Variants in BCAS3 observed in about 807,000 individuals in gnomAD.
BCAS3 encodes the protein BCAS3 microtubule associated cell migration factor, also known as BCAS4/BCAS3 fusion.
Under a neutral mutation model 116.1 loss-of-function variants are expected in BCAS3, and 53 were observed. The observed-to-expected ratio is 0.46, with a 90% CI of 0.37 to 0.57. BCAS3 has a LOEUF of 0.57. Ranked by LOEUF, BCAS3 falls within the 20% of genes least tolerant of loss-of-function variation. The probability of loss-of-function intolerance (pLI) is 0.00; values close to 1 mark genes in which losing one functional copy is unlikely to be tolerated. For synonymous variants in BCAS3, 391 were observed against 408.2 expected (o/e 0.96, Z 0.51); for missense variants, 917 against 1,165.4 (o/e 0.79, Z 3.10).
rs539509972 is a variant in BCAS3 at position 60,704,607 on chromosome 17, G to C, written c.215-4612G>C. 9.2e-5 allele frequency among the ~76,000 whole-genome samples: 14 copies of C among 152,094 alleles called. No individual in the cohort carries two copies. In the South Asian group the frequency reaches 2.3e-3, roughly 25 times the overall value. On this transcript the variant is annotated intron_variant, in intron 4 of 23. Coordinates refer to ENST00000407086, the MANE Select transcript of BCAS3 (RefSeq NM_017679.5). ...TGTAATCCCAGCACTTTGGGGGGCC[G>C]AGGTGGGTGGATCACTTGAGGTCAG...
chr17:60,844,708 T>G (rs1346794370), intron 7 of BCAS3, among the ~76,000 whole-genome samples: 1 of 152,198 alleles, frequency 6.6e-6, no homozygotes, highest in Non-Finnish European at 1.5e-5. Flanking sequence ...GTTCTCTTTA[T>G]GTCAGTTGTG....
chr17:61,075,365 A>C (rs1244598309), intron 20 of BCAS3, among the ~76,000 whole-genome samples: 1 of 152,180 alleles, frequency 6.6e-6, no homozygotes, highest in Non-Finnish European at 1.5e-5. Flanking sequence ...CCCAAGCTGG[A>C]GTGCAGTGAC....
rs1488600780 is a variant in BCAS3, at chr17:60,747,289, G to A, written c.403+10G>A. ...CCTGCTCCACAGTTTGGTGAGTGTA[G>A]TCCTTAAGAAAAGAATCTTTCAGAA... On this transcript the variant is annotated intron_variant, in intron 6 of 23. Transcript: ENST00000407086. 2 of 1,591,408 alleles carry A rather than the reference G, an allele frequency of 1.3e-6. No homozygotes were observed. Among genetic ancestry groups the A allele is most frequent in the Non-Finnish European group, 1.7e-6 (2 of 1,162,702 alleles).
chr17:61,326,678 C>A lies in BCAS3; in HGVS notation c.2426-41649C>A, dbSNP rs2055756084. Among the ~76,000 whole-genome samples, 1 of 152,176 alleles carries A rather than the reference C, an allele frequency of 6.6e-6. No individual in the cohort carries two copies. The highest frequency in any genetic ancestry group is 1.5e-5 in the Non-Finnish European group (1 of 68,044). On this transcript the variant is annotated intron_variant, in intron 22 of 23. Coordinates refer to ENST00000407086, the MANE Select transcript of BCAS3 (RefSeq NM_017679.5). This position sits in a 1 kb window ranked among gnomAD's most constrained non-coding sequence, Gnocchi z 5.3. Reference sequence around the variant, plus strand: ...CCCCAGTTTTCTGGCTTACTTCACTCATTTGATGTCATTCACTAAGAGCTC... The same window carrying A: ...CCCCAGTTTTCTGGCTTACTTCACTAATTTGATGTCATTCACTAAGAGCTC...
intron 6 of BCAS3, among the ~76,000 whole-genome samples, chr17:60,764,236 A>G (rs2144370125): frequency 6.7e-6 from 1 of 150,138 alleles, no homozygotes; most frequent in South Asian, 2.1e-4. Flanking sequence ...GCCTTCTGCT[A>G]GCTTTTGAAT....
At chr17:61,236,327 T>C (rs192222276) in intron 22 of BCAS3, among the ~76,000 whole-genome samples, 164 of 152,278 alleles carry the variant, frequency 1.1e-3, no homozygotes, top group Non-Finnish European at 1.0e-3. Context: ...TTTAACAACA[T>C]TTTTTGTTTT....
intron 22 of BCAS3, among the ~76,000 whole-genome samples, chr17:61,293,059 A>G (rs1469270722): frequency 2.0e-5 from 3 of 152,200 alleles, no homozygotes; most frequent in Non-Finnish European, 4.4e-5. Context: ...AAGTTTTCTC[A>G]GAGTATAAAT....
At chr17:61,340,799 G>A (rs962310278) in intron 22 of BCAS3, among the ~76,000 whole-genome samples, 7 of 152,270 alleles carry the variant, frequency 4.6e-5, no homozygotes, top group African/African-American at 7.2e-5. Flanking sequence ...AAAAGCAGGC[G>A]GGATCAATGT....
chr17:61,385,028 C>G (rs1027927865), intron 23 of BCAS3, among the ~76,000 whole-genome samples: 2 of 152,196 alleles, frequency 1.3e-5, no homozygotes, highest in Non-Finnish European at 2.9e-5. Flanking sequence ...AAAAAGTGCC[C>G]TGGGGGCTGA....
intron 6 of BCAS3, among the ~76,000 whole-genome samples, chr17:60,774,020 T>C (rs2045024523): frequency 6.6e-6 from 1 of 152,220 alleles, no homozygotes; most frequent in Admixed American, 6.5e-5. Flanking sequence ...ATCTTCTACC[T>C]ATGGCTTGTC....
At chr17:61,165,328 C>T (rs144375994) in intron 22 of BCAS3, among the ~76,000 whole-genome samples, 37 of 152,304 alleles carry the variant, frequency 2.4e-4, no homozygotes, top group African/African-American at 8.4e-4. Context: ...TATATCCTGG[C>T]CACATATATT....
At chr17:61,303,257 C>G (rs538216150) in intron 22 of BCAS3, among the ~76,000 whole-genome samples, 1 of 152,346 alleles carries the variant, frequency 6.6e-6, no homozygotes, top group African/African-American at 2.4e-5. Flanking sequence ...CTGTGGGCAT[C>G]TTCTGAGCTG....
chr17:60,982,287 A>C (rs1285694387), intron 14 of BCAS3, among the ~76,000 whole-genome samples: 1 of 152,142 alleles, frequency 6.6e-6, no homozygotes, highest in Non-Finnish European at 1.5e-5. Context: ...TTTTAAGCAG[A>C]TAATCCATAT....
At position 61,267,674 on chromosome 17, in the gene BCAS3, A is replaced by C. The variant is rs1041153030; in HGVS notation, c.2426-100653A>C. Among the ~76,000 whole-genome samples the C allele has an allele frequency of 2.8e-4, 42 of 149,662 alleles. 1 individual carries two copies. The highest frequency in any genetic ancestry group is 2.2e-3 in the Admixed American group (33 of 15,080). On this transcript the variant is annotated intron_variant, in intron 22 of 23. Transcript: ENST00000407086. ...AATCCAGCAGGCAGAATGAGCCAAG[A>C]TCGTGCCACTGCACTCCAGCCTGGG...
intron 4 of BCAS3, among the ~76,000 whole-genome samples, chr17:60,701,867 G>A (rs1372894105): frequency 6.6e-6 from 1 of 151,138 alleles, no homozygotes; most frequent in Non-Finnish European, 1.5e-5. Context: ...CCAGCTTCTT[G>A]GGAGACTGAG....
chr17:61,237,382 G>C (rs1212899843), intron 22 of BCAS3, among the ~76,000 whole-genome samples: 2 of 152,182 alleles, frequency 1.3e-5, no homozygotes, highest in African/African-American at 2.4e-5. Flanking sequence ...ATTGAAAAAA[G>C]GGCATTCTGA....
chr17:61,321,751 GCTCT>G (rs2055233269), intron 22 of BCAS3, among the ~76,000 whole-genome samples: 1 of 152,132 alleles, frequency 6.6e-6, no homozygotes, highest in South Asian at 2.1e-4. Context: ...CTGACCTAGT[GCTCT>G]CCAATCTGGC....
intron 22 of BCAS3, among the ~76,000 whole-genome samples, chr17:61,173,442 C>T (rs1424662379): frequency 1.8e-5 from 2 of 113,406 alleles, no homozygotes; most frequent in South Asian, 9.0e-4. Context: ...AAGCAAGACT[C>T]TGTCTCCAAA....
intron 4 of BCAS3, among the ~76,000 whole-genome samples, chr17:60,704,771 G>C (rs2046771299): frequency 6.6e-6 from 1 of 151,710 alleles, no homozygotes; most frequent in Non-Finnish European, 1.5e-5. Context: ...CAGGGAGGCA[G>C]AGGTTACAGT....
Sources: gnomAD v4.1 joint callset for allele counts (sites outside exome capture counted in the v4.1 genomes callset) on GRCh38, gnomAD v4.1.1 for gene constraint, Gnocchi (gnomAD v3.1) non-coding constraint, MANE v1.5 for transcripts, NCBI Gene and HGNC (gene_info 2026-07-23, HGNC 2026-07-21) for gene names.